The following USP42 variants were observed in gnomAD, a reference collection of about 807,000 sequenced individuals.
USP42 encodes the protein ubiquitin specific peptidase 42.
In USP42, 23 loss-of-function variants were observed where a neutral mutation model predicts 113.0. The observed-to-expected ratio is 0.20, with a 90% CI of 0.15 to 0.29. The LOEUF (loss-of-function observed/expected upper bound fraction) is 0.29, where lower values mean the gene tolerates loss of function less well. Ranked by LOEUF, USP42 falls within the 10% of genes least tolerant of loss-of-function variation. The pLI is 1.00. For synonymous variants in USP42, 933 were observed against 699.0 expected, an observed-to-expected ratio of 1.33 and a Z score of -5.28; for missense variants, 2,174 against 1,779.8, an observed-to-expected ratio of 1.22 and a Z score of -3.99.
At chr7:6,097,907 C>CTT in the USP42 span, among the ~76,000 whole-genome samples, 226 of 103,586 alleles carry the variant, frequency 2.2e-3, 5 homozygotes, top group East Asian at 7.5e-3. Flanking sequence ...TCTTTCTTTT[C>CTT]TTTTTTTTTT....
intron 4 of USP42, among the ~76,000 whole-genome samples, chr7:6,137,679 T>C (rs1781220679): frequency 6.6e-6 from 1 of 151,940 alleles, no homozygotes; most frequent in African/African-American, 2.4e-5. Flanking sequence ...TATTTATTTG[T>C]TTTTATTCAT....
the USP42 span, among the ~76,000 whole-genome samples, chr7:6,081,975 A>G: frequency 1.3e-5 from 2 of 152,148 alleles, no homozygotes; most frequent in Non-Finnish European, 2.9e-5. Context: ...ATTCTGTGAG[A>G]CAATAAAAAT....
the USP42 span, chr7:6,084,427 A>C: frequency 2.0e-5 from 3 of 151,294 alleles, no homozygotes. Flanking sequence ...TTTTTGCCCT[A>C]GGAGGCTTGA....
intron 9 of USP42, among the ~76,000 whole-genome samples, chr7:6,144,618 C>T (rs1384404008): frequency 6.6e-6 from 1 of 152,062 alleles, no homozygotes; most frequent in African/African-American, 2.4e-5. Flanking sequence ...GCCCGTAATC[C>T]CAGCACTTTA....
intron 3 of USP42, among the ~76,000 whole-genome samples, chr7:6,123,144 A>G (rs1408076449): frequency 6.6e-6 from 1 of 152,084 alleles, no homozygotes; most frequent in African/African-American, 2.4e-5. Flanking sequence ...CCTCTTGATG[A>G]ACTCATTTCG....
At chr7:6,120,880 G>A (rs191344570) in intron 3 of USP42, among the ~76,000 whole-genome samples, 51 of 152,260 alleles carry the variant, frequency 3.3e-4, no homozygotes, top group African/African-American at 9.1e-4. Flanking sequence ...CACTGCACCC[G>A]GCTGGAATAA....
the USP42 span, among the ~76,000 whole-genome samples, chr7:6,086,326 C>T: frequency 6.7e-6 from 1 of 150,252 alleles, no homozygotes; most frequent in African/African-American, 2.5e-5. Flanking sequence ...CTGCCTCAGC[C>T]TCCAGAGTAG....
At position 6,128,435 on chromosome 7, in the gene USP42, T is replaced by G. The variant is rs1290632237; in HGVS notation, c.443-7406T>G. ...CACCACCATGCCCAGATAAAATTTT[T>G]TCCCTGCTTTGTTTTGATTAATGCT... On this transcript the variant is annotated intron_variant, in intron 3 of 17. Transcript: ENST00000306177. Among the ~76,000 whole-genome samples, 4 of 152,156 alleles carry G rather than the reference T, an allele frequency of 2.6e-5. No homozygotes were observed. In the East Asian group the frequency reaches 7.7e-4, roughly 29 times the overall value.
intron 2 of USP42, among the ~76,000 whole-genome samples, chr7:6,114,828 C>T (rs551121351): frequency 6.6e-6 from 1 of 150,574 alleles, no homozygotes; most frequent in Non-Finnish European, 1.5e-5. Flanking sequence ...GTAGCTAGGA[C>T]TACAGGTGCC....
intron 4 of USP42, among the ~76,000 whole-genome samples, chr7:6,136,925 C>T (rs1781182836): frequency 6.6e-6 from 1 of 151,826 alleles, no homozygotes; most frequent in South Asian, 2.1e-4. Flanking sequence ...AGATGTGCAC[C>T]ACTATGCCCA....
Position 6,153,830 on chromosome 7 carries a change from C to G in USP42, c.2276C>G (p.Ser759Cys). 6.5e-7 allele frequency: 1 copy of G among 1,541,400 alleles called. No individual in the cohort carries two copies. Among genetic ancestry groups the G allele is most frequent in the Non-Finnish European group, 8.7e-7 (1 of 1,142,924 alleles). Residue 759 changes from serine (S) to cysteine (C), a missense_variant, in exon 15 of 18, where the codon TCC becomes TGC. Transcript: ENST00000306177. The part of the protein sequence containing the change: ...EPQPGSPAAE[S>C]LEEPDAAAGL... The stretch of plus-strand genomic sequence containing the variant: ...CAGCCTGGCAGCCCCGCCGCCGAAT[C>G]CCTGGAGGAGCCAGATGCGGCCGCC...
At position 6,150,250 on chromosome 7, in the gene USP42, C is replaced by G; in HGVS notation, c.2054C>G (p.Pro685Arg). The G allele has an allele frequency of 6.2e-7, 1 of 1,613,726 alleles. No homozygotes were observed. Among genetic ancestry groups the G allele is most frequent in the Non-Finnish European group, 8.5e-7 (1 of 1,179,864 alleles). The change falls in exon 13 of 18, where the codon CCT becomes CGT. Residue 685 changes from proline to arginine, a missense_variant. Transcript: ENST00000306177. Reference sequence around the variant, plus strand: ...GATGGTGCCAGCTGCCAAGGCCAGCCTGCCCTGCACTCAGAAAATCCCTTT... The same window carrying G: ...GATGGTGCCAGCTGCCAAGGCCAGCGTGCCCTGCACTCAGAAAATCCCTTT... Reference protein sequence around the residue: ...APDGASCQGQPALHSENPFAK... With the variant: ...APDGASCQGQRALHSENPFAK...
chr7:6,087,901 T>C, the USP42 span, among the ~76,000 whole-genome samples: 1 of 151,314 alleles, frequency 6.6e-6, no homozygotes, highest in Non-Finnish European at 1.5e-5. Context: ...GTACTAATTT[T>C]ATCTGCTTTG....
rs1047576208 is a variant in USP42, at chr7:6,139,298, C to A, written c.656+104C>A. On this transcript the variant is annotated intron_variant, in intron 5 of 17. Transcript: ENST00000306177. This position sits in a 1 kb window ranked among gnomAD's most constrained non-coding sequence, Gnocchi z 4.5. ...CCTTTTTTGTTGGAAGCACACAGAA[C>A]AGTGTTCACTTTACCTTTTGGCTTT... 1 of 904,974 alleles carries A rather than the reference C, an allele frequency of 1.1e-6. No individual in the cohort carries two copies. The highest frequency in any genetic ancestry group is 1.7e-5 in the African/African-American group (1 of 59,414). 56.1% of individuals were successfully genotyped at this position (904,974 alleles called of 1,614,324 possible).
chr7:6,127,455 T>C lies in USP42; in HGVS notation c.443-8386T>C, dbSNP rs554784235. ...TTTAAGTCTGTGATCCATTTTGAGTTTTTTTTTTTAGAAACTGAGATTTGA... is the reference window on the plus strand; with the variant it reads ...TTTAAGTCTGTGATCCATTTTGAGTCTTTTTTTTTAGAAACTGAGATTTGA... On this transcript the variant is annotated intron_variant, in intron 3 of 17. Coordinates refer to ENST00000306177, the MANE Select transcript of USP42 (RefSeq NM_032172.3). 5.9e-5 allele frequency among the ~76,000 whole-genome samples: 9 copies of C among 151,482 alleles called. No homozygotes were observed. The East Asian group carries it at 1.7e-3, about 29-fold the overall frequency.
chr7:6,108,759 G>T (rs934855192), intron 1 of USP42, among the ~76,000 whole-genome samples: 5 of 152,140 alleles, frequency 3.3e-5, no homozygotes, highest in African/African-American at 1.2e-4. Flanking sequence ...GATTACAGGC[G>T]TGAGCCACTG....
chr7:6,103,944 C>T (rs114253051), upstream of USP42, among the ~76,000 whole-genome samples: 2 of 151,008 alleles, frequency 1.3e-5, no homozygotes, highest in South Asian at 4.2e-4. Flanking sequence ...ATTAAGTGGG[C>T]GTGGTAGCGC....
At chr7:6,145,160 C>T (rs1781643963) in intron 9 of USP42, among the ~76,000 whole-genome samples, 1 of 151,764 alleles carries the variant, frequency 6.6e-6, no homozygotes, top group African/African-American at 2.4e-5. Flanking sequence ...GGTGAAACCC[C>T]TGTCTCTACT....
the USP42 span, chr7:6,085,327 A>G: frequency 6.7e-6 from 1 of 149,308 alleles, no homozygotes; most frequent in Non-Finnish European, 1.5e-5. Flanking sequence ...GGGTTTCACC[A>G]CTTTGGCCAC....
Sources: gnomAD v4.1 joint callset for allele counts (sites outside exome capture counted in the v4.1 genomes callset) on GRCh38, gnomAD v4.1.1 for gene constraint, Gnocchi (gnomAD v3.1) non-coding constraint, MANE v1.5 for transcripts, NCBI Gene and HGNC (gene_info 2026-07-23, HGNC 2026-07-21) for gene names.